Variants in KALRN observed in about 807,000 individuals in gnomAD.
KALRN encodes kalirin.
A neutral mutation model predicts 353.7 loss-of-function variants in KALRN; 70 were observed. That is an observed-to-expected ratio of 0.20 (90% CI 0.16 to 0.24). The LOEUF is 0.24. KALRN is among the 10% of genes least tolerant of loss of function. The probability of loss-of-function intolerance (pLI) is 1.00; values close to 1 mark genes in which losing one functional copy is unlikely to be tolerated. For synonymous variants in KALRN, 1,391 were observed against 1,434.8 expected (o/e 0.97, Z 0.69); for missense variants, 2,791 against 3,756.7 (o/e 0.74, Z 6.72).
At chr3:124,415,590 G>A (rs866115838) in intron 14 of KALRN, among the ~76,000 whole-genome samples, 6 of 152,234 alleles carry the variant, frequency 3.9e-5, no homozygotes, top group South Asian at 2.1e-4. Flanking sequence ...ACAAGAGTAC[G>A]TGGCAATGTT....
At chr3:124,057,047 G>A (rs971496771) in intron 1 of KALRN, among the ~76,000 whole-genome samples, 1 of 152,170 alleles carries the variant, frequency 6.6e-6, no homozygotes, top group Non-Finnish European at 1.5e-5. Context: ...CATGTTGGCT[G>A]GCCCTGCCAG....
intron 21 of KALRN, among the ~76,000 whole-genome samples, chr3:124,449,981 G>C (rs752901755): frequency 5.9e-5 from 9 of 152,204 alleles, no homozygotes; most frequent in Non-Finnish European, 1.2e-4. Context: ...GCTTTTGGCT[G>C]TCATGAATAA....
chr3:124,191,830 T>C (rs1349518359), intron 1 of KALRN, among the ~76,000 whole-genome samples: 1 of 152,156 alleles, frequency 6.6e-6, no homozygotes, highest in Non-Finnish European at 1.5e-5. Flanking sequence ...AATGTCTCTT[T>C]TACTCCATTC....
intron 6 of KALRN, among the ~76,000 whole-genome samples, chr3:124,301,756 A>C (rs561578936): frequency 6.6e-6 from 1 of 152,318 alleles, no homozygotes; most frequent in South Asian, 2.1e-4. Flanking sequence ...TGACTACAGG[A>C]ATGATCAGTT....
chr3:124,211,399 G>A (rs1431351420), intron 1 of KALRN, among the ~76,000 whole-genome samples: 1 of 152,318 alleles, frequency 6.6e-6, no homozygotes, highest in South Asian at 2.1e-4. Context: ...AATTGAAATA[G>A]TAATATGAAT....
intron 1 of KALRN, among the ~76,000 whole-genome samples, chr3:124,206,420 C>A (rs1453510814): frequency 6.6e-6 from 1 of 152,156 alleles, no homozygotes; most frequent in African/African-American, 2.4e-5. Flanking sequence ...TACAACTGTT[C>A]CTAACTGCAA....
intron 1 of KALRN, among the ~76,000 whole-genome samples, chr3:124,135,451 C>T (rs1393480048): frequency 6.6e-6 from 1 of 151,996 alleles, no homozygotes; most frequent in Non-Finnish European, 1.5e-5. Context: ...GATGGGTGCA[C>T]CAGGATCTCA....
intron 33 of KALRN, among the ~76,000 whole-genome samples, chr3:124,554,286 T>G (rs1577938910): frequency 6.6e-6 from 1 of 152,202 alleles, no homozygotes; most frequent in South Asian, 2.1e-4. Context: ...ACCTGGGAGG[T>G]GGAGGTTTGA....
intron 1 of KALRN, among the ~76,000 whole-genome samples, chr3:124,160,437 A>T (rs1475803568): frequency 6.6e-6 from 1 of 152,036 alleles, no homozygotes; most frequent in Admixed American, 6.6e-5. Flanking sequence ...GGTGATGGGG[A>T]GTGTACTGTG....
chr3:124,396,911 G>C (rs1277255460), intron 12 of KALRN, among the ~76,000 whole-genome samples: 1 of 152,166 alleles, frequency 6.6e-6, no homozygotes, highest in African/African-American at 2.4e-5. Context: ...TGACATCAAG[G>C]CATGTCAAAG....
intron 1 of KALRN, among the ~76,000 whole-genome samples, chr3:124,213,948 A>C (rs898223481): frequency 1.3e-5 from 2 of 152,220 alleles, no homozygotes; most frequent in Non-Finnish European, 1.5e-5. Context: ...CCACAACCTA[A>C]TTATTAAACT....
At position 124,720,055 on chromosome 3, in the gene KALRN, G is replaced by A. The variant is rs1024816980; in HGVS notation, c.*585G>A. On this transcript the variant is annotated 3_prime_UTR_variant, in exon 60 of 60. Transcript: ENST00000682506. ...CAGTTAAGACAGTAATTTATTTACC[G>A]AATCATTACATTGTTTTGACTAAGC... 6.6e-6 allele frequency: 1 copy of A among 152,518 alleles called. No individual in the cohort carries two copies. The highest frequency in any genetic ancestry group is 2.4e-5 in the African/African-American group (1 of 41,418). The allele number at this position is 152,518 out of a possible 1,614,324, so 9.4% of individuals were successfully genotyped here.
chr3:124,189,681 T>C (rs1319814585), intron 1 of KALRN, among the ~76,000 whole-genome samples: 1 of 152,148 alleles, frequency 6.6e-6, no homozygotes, highest in Non-Finnish European at 1.5e-5. Flanking sequence ...GGCTCATGCC[T>C]ATAATCCTAG....
intron 1 of KALRN, among the ~76,000 whole-genome samples, chr3:124,109,751 ATATCATACTT>A (rs2062686835): frequency 3.0e-5 from 4 of 131,462 alleles, no homozygotes; most frequent in East Asian, 2.2e-4. Flanking sequence ...TATGACATAT[ATATCATACTT>A]TGATATATAT....
Position 124,683,799 on chromosome 3 carries a change from G to A in KALRN, c.7377+4282G>A, listed in dbSNP as rs191874161. 9.9e-5 allele frequency among the ~76,000 whole-genome samples: 15 copies of A among 152,276 alleles called. No homozygotes were observed. The East Asian group carries it at 2.9e-3, about 29-fold the overall frequency. On this transcript the variant is annotated intron_variant, in intron 51 of 59. Transcript: ENST00000682506. ...TTAAAAACAGTGTTGGGATCTTCTG[G>A]GAGAGGGCTCTGAAAGATTAGAGAG...
chr3:124,157,319 G>C (rs552161535), intron 1 of KALRN, among the ~76,000 whole-genome samples: 2 of 152,178 alleles, frequency 1.3e-5, no homozygotes, highest in Non-Finnish European at 2.9e-5. Context: ...CTCTTTGTTC[G>C]TGTAGACAGG....
At chr3:124,619,659 G>A (rs1011914713) in intron 34 of KALRN, among the ~76,000 whole-genome samples, 2 of 151,742 alleles carry the variant, frequency 1.3e-5, no homozygotes, top group Non-Finnish European at 2.9e-5. Context: ...GCTAATTTTT[G>A]TATTCTTTGT....
chr3:124,116,952 T>C (rs1464692998), intron 1 of KALRN, among the ~76,000 whole-genome samples: 1 of 152,220 alleles, frequency 6.6e-6, no homozygotes, highest in Non-Finnish European at 1.5e-5. Flanking sequence ...CAGTAACATC[T>C]TGGAATCTCC....
intron 1 of KALRN, chr3:124,094,706 T>TGCAG (rs1028016981): frequency 9.4e-6 from 7 of 747,356 alleles, no homozygotes; most frequent in Non-Finnish European, 1.7e-5. Context: ...TGGCTGTCTT[T>TGCAG]GCAGGCAGGC....
Sources: allele counts gnomAD v4.1 joint callset (sites outside exome capture counted in the v4.1 genomes callset), GRCh38; gene constraint gnomAD v4.1.1; transcripts MANE v1.5; gene names NCBI Gene and HGNC (gene_info 2026-07-23, HGNC 2026-07-21).